Variants in SPRED2 observed in about 807,000 individuals in gnomAD.
SPRED2 encodes sprouty-related, EVH1 domain-containing protein 2.
Under a neutral mutation model 43.0 loss-of-function variants are expected in SPRED2, and 47 were observed. The observed-to-expected ratio is 1.09, with a 90% CI of 0.87 to 1.40. The LOEUF (loss-of-function observed/expected upper bound fraction) is 1.40, where lower values mean the gene tolerates loss of function less well. Among genes scored for constraint, SPRED2 ranks in the 40% most tolerant of loss-of-function variants. SPRED2 has a pLI of 0.00. For missense variants in SPRED2, 561 were observed against 586.4 expected (o/e 0.96, Z 0.45); for synonymous variants, 225 against 225.7 (o/e 1.00, Z 0.03).
At chr2:65,412,970 A>G (rs1486862762) in intron 1 of SPRED2, among the ~76,000 whole-genome samples, 2 of 152,176 alleles carry the variant, frequency 1.3e-5, no homozygotes, top group African/African-American at 2.4e-5. Flanking sequence ...TTGGCACTAT[A>G]AGCAGATCAT....
chr2:65,416,905 C>T (rs565138066), intron 1 of SPRED2, among the ~76,000 whole-genome samples: 26 of 152,262 alleles, frequency 1.7e-4, no homozygotes, highest in Admixed American at 1.2e-3. Context: ...CCACTTTATT[C>T]GGAGTTAACC....
At chr2:65,378,536 A>G (rs1439064935) in intron 1 of SPRED2, among the ~76,000 whole-genome samples, 1 of 152,218 alleles carries the variant, frequency 6.6e-6, no homozygotes, top group Admixed American at 6.5e-5. Context: ...ATCTCTGTCA[A>G]TGTTTCACGG....
At position 65,312,082 on chromosome 2, in the gene SPRED2, TTTTCTTC is replaced by T. The variant is rs1228562526; in HGVS notation, c.*1412_*1418del. On this transcript the variant is annotated 3_prime_UTR_variant, in exon 6 of 6. Coordinates refer to ENST00000356388, the MANE Select transcript of SPRED2 (RefSeq NM_181784.3). The stretch of plus-strand genomic sequence containing the variant: ...CTAGGTATAGGTAACCACTCTTCAC[TTTTCTTC>T]TTTCTTCAATAAGAAGATTTGGCTA... 6.1e-6 allele frequency: 6 copies of T among 985,414 alleles called. No individual in the cohort carries two copies. The highest frequency in any genetic ancestry group is 7.2e-6 in the Non-Finnish European group (6 of 829,922). The allele number at this position is 985,414 out of a possible 1,614,324, so 61.0% of individuals were successfully genotyped here. A position where few individuals can be genotyped will look rare whatever the true frequency, so the allele number is the denominator to read the frequency against.
chr2:65,415,435 T>C (rs1676250652), intron 1 of SPRED2, among the ~76,000 whole-genome samples: 1 of 135,278 alleles, frequency 7.4e-6, no homozygotes, highest in South Asian at 2.3e-4. Flanking sequence ...ACCAATCCTA[T>C]GTTAACAAAG....
At chr2:65,352,047 A>C (rs2104289795) in intron 1 of SPRED2, among the ~76,000 whole-genome samples, 1 of 152,362 alleles carries the variant, frequency 6.6e-6, no homozygotes, top group Middle Eastern at 3.4e-3. Context: ...CCAGAAAATA[A>C]GGCCTTTGTG....
chr2:65,310,681 T>C (rs1455232309), downstream of SPRED2, among the ~76,000 whole-genome samples: 1 of 152,082 alleles, frequency 6.6e-6, no homozygotes, highest in Non-Finnish European at 1.5e-5. Context: ...AGTCTCCCCT[T>C]GGGAATATGA....
intron 1 of SPRED2, among the ~76,000 whole-genome samples, chr2:65,377,319 G>C (rs895306102): frequency 2.0e-5 from 3 of 152,166 alleles, no homozygotes; most frequent in African/African-American, 7.2e-5. Flanking sequence ...GAAGAAAAAA[G>C]CTACAGAAAA....
chr2:65,371,766 T>C (rs1228657768), intron 1 of SPRED2, among the ~76,000 whole-genome samples: 1 of 134,318 alleles, frequency 7.4e-6, no homozygotes, highest in Non-Finnish European at 1.6e-5. Context: ...TTATGCCAAG[T>C]AGATTGAAAA....
Position 65,432,153 on chromosome 2 carries a change from G to GAT in SPRED2, c.-168_-167dup, listed in dbSNP as rs1229529053. 3.6e-6 allele frequency: 3 copies of GAT among 842,636 alleles called. No individual in the cohort carries two copies. In the African/African-American group the frequency reaches 5.0e-5, roughly 14 times the overall value. The allele number at this position is 842,636 out of a possible 1,614,324, so 52.2% of individuals were successfully genotyped here. A position where few individuals can be genotyped will look rare whatever the true frequency, so the allele number is the denominator to read the frequency against. The stretch of plus-strand genomic sequence containing the variant: ...CAGCAGAAGGGGAAGCAGGGCGCGG[G>GAT]ATAGGGTTTGGGGGAAGGGGTGCAA... On this transcript the variant is annotated 5_prime_UTR_variant, in exon 1 of 6. Coordinates refer to ENST00000356388, the MANE Select transcript of SPRED2 (RefSeq NM_181784.3).
At chr2:65,355,928 C>G (rs1386097333) in intron 1 of SPRED2, among the ~76,000 whole-genome samples, 1 of 152,236 alleles carries the variant, frequency 6.6e-6, no homozygotes. Context: ...CATTTAAACC[C>G]CAAAGGCCAG....
At position 65,432,087 on chromosome 2, in the gene SPRED2, G is replaced by T; in HGVS notation, c.-100C>A. 3.4e-6 allele frequency: 5 copies of T among 1,488,040 alleles called. No individual in the cohort carries two copies. Among genetic ancestry groups the T allele is most frequent in the South Asian group, 2.3e-5 (2 of 86,828 alleles). 92.2% of individuals were successfully genotyped at this position (1,488,040 alleles called of 1,614,324 possible). ...TTCTTCACATCTCCGGAGATCGCCTGATTTGGGGAGGGGGGGCGGCTAGAG... is the reference window on the plus strand; with the variant it reads ...TTCTTCACATCTCCGGAGATCGCCTTATTTGGGGAGGGGGGGCGGCTAGAG... On this transcript the variant is annotated 5_prime_UTR_variant, in exon 1 of 6. Transcript: ENST00000356388.
At chr2:65,357,609 C>T (rs1349807513) in intron 1 of SPRED2, among the ~76,000 whole-genome samples, 1 of 152,088 alleles carries the variant, frequency 6.6e-6, no homozygotes, top group Admixed American at 6.6e-5. Flanking sequence ...ATAAGTTATT[C>T]CTTATCTTGG....
At chr2:65,420,250 C>T (rs964002700) in intron 1 of SPRED2, among the ~76,000 whole-genome samples, 3 of 150,654 alleles carry the variant, frequency 2.0e-5, no homozygotes, top group Admixed American at 6.6e-5. Flanking sequence ...ATATGACAAC[C>T]TAATGAAGAT....
At chr2:65,355,220 G>C (rs1026522515) in intron 1 of SPRED2, among the ~76,000 whole-genome samples, 1 of 152,162 alleles carries the variant, frequency 6.6e-6, no homozygotes, top group Non-Finnish European at 1.5e-5. Context: ...TAGTCAACCA[G>C]TTAGGGGCCT....
At chr2:65,342,614 C>T (rs1304978876) in intron 2 of SPRED2, among the ~76,000 whole-genome samples, 2 of 152,102 alleles carry the variant, frequency 1.3e-5, no homozygotes, top group African/African-American at 4.8e-5. Context: ...CTATAATAAA[C>T]GTGGAAAATT....
chr2:65,431,262 CCGCCGCACA>C (rs1676681844), intron 1 of SPRED2, among the ~76,000 whole-genome samples: 1 of 151,598 alleles, frequency 6.6e-6, no homozygotes. Context: ...CCGCACGCCC[CCGCCGCACA>C]CGCCTCGGTC....
At chr2:65,364,530 G>A (rs1041335352) in intron 1 of SPRED2, among the ~76,000 whole-genome samples, 1 of 152,210 alleles carries the variant, frequency 6.6e-6, no homozygotes, top group African/African-American at 2.4e-5. Context: ...TCTGAGGCGT[G>A]GCAGCCACAA....
At chr2:65,316,936 C>T in intron 4 of SPRED2, 53 bp from the exon 5 acceptor site, 2 of 1,583,200 alleles carry the variant, frequency 1.3e-6, no homozygotes. Flanking sequence ...ACAAAAACCC[C>T]ACGCAGCAAA....
chr2:65,344,738 TCAC>T lies in SPRED2; in HGVS notation c.182_184del (p.Gly61del). On this transcript the variant is annotated inframe_deletion, in exon 2 of 6. Coordinates refer to ENST00000356388, the MANE Select transcript of SPRED2 (RefSeq NM_181784.3). ...CATTACCAGTTTGTCTTTCTGTCGT[TCAC>T]CATGGATGAGAAAGCCGCTTCGTCC... is the stretch of plus-strand genomic sequence containing the variant. The T allele has an allele frequency of 6.2e-7, 1 of 1,614,186 alleles. No individual in the cohort carries two copies. Among genetic ancestry groups the T allele is most frequent in the Non-Finnish European group, 8.5e-7 (1 of 1,180,010 alleles).
Sources: gnomAD v4.1 joint callset for allele counts (sites outside exome capture counted in the v4.1 genomes callset) on GRCh38, gnomAD v4.1.1 for gene constraint, MANE v1.5 for transcripts, NCBI Gene and HGNC (gene_info 2026-07-23, HGNC 2026-07-21) for gene names.